The following ABI3BP variants were observed in gnomAD, a reference collection of about 807,000 sequenced individuals.
ABI3BP encodes the protein target of Nesh-SH3.
Under a neutral mutation model 268.6 loss-of-function variants are expected in ABI3BP, and 216 were observed. The observed-to-expected ratio is 0.80, with a 90% confidence interval of 0.72 to 0.90. The LOEUF (loss-of-function observed/expected upper bound fraction) is 0.90. Among genes scored for constraint, ABI3BP ranks in the 40% least tolerant of loss-of-function variants. The pLI is 0.00. For missense variants in ABI3BP, 2,090 were observed against 2,182.4 expected, an observed-to-expected ratio of 0.96 and a Z score of 0.84; for synonymous variants, 730 against 730.0, an observed-to-expected ratio of 1.00 and a Z score of 0.00.
At chr3:100,882,458 A>ATTT (rs201694576) in intron 6 of ABI3BP, among the ~76,000 whole-genome samples, 1 of 146,310 alleles carries the variant, frequency 6.8e-6, no homozygotes, top group African/African-American at 2.5e-5. Flanking sequence ...ATATATATAT[A>ATTT]TATTTTTTTT....
At chr3:100,772,521 A>T (rs1254912199) in intron 61 of ABI3BP, among the ~76,000 whole-genome samples, 1 of 152,232 alleles carries the variant, frequency 6.6e-6, no homozygotes, top group Non-Finnish European at 1.5e-5. Flanking sequence ...GTTGTAGATT[A>T]TCACTAGACG....
intron 1 of ABI3BP, among the ~76,000 whole-genome samples, chr3:100,934,253 T>C (rs527739293): frequency 4.6e-5 from 7 of 152,034 alleles, no homozygotes; most frequent in African/African-American, 1.7e-4. Context: ...TGTTCTTGCA[T>C]TAGTTCGTTG....
intron 5 of ABI3BP, 41 bp from the exon 6 acceptor site, chr3:100,885,629 T>C (rs1466235534): frequency 7.8e-7 from 1 of 1,282,776 alleles, no homozygotes; most frequent in South Asian, 1.4e-5. Context: ...TTTATTCTCC[T>C]TGCTCCTAAA....
intron 62 of ABI3BP, among the ~76,000 whole-genome samples, chr3:100,768,584 C>T (rs1340101855): frequency 2.0e-5 from 3 of 152,098 alleles, no homozygotes; most frequent in African/African-American, 4.8e-5. Flanking sequence ...AATACCTTTT[C>T]GTAAATCCAC....
intron 56 of ABI3BP, among the ~76,000 whole-genome samples, chr3:100,789,176 C>T (rs1261052374): frequency 1.3e-5 from 2 of 152,014 alleles, no homozygotes; most frequent in African/African-American, 2.4e-5. Flanking sequence ...TCTATGCAAC[C>T]TCTTTGTCAG....
chr3:100,770,557 C>T (rs2096513937), intron 62 of ABI3BP, among the ~76,000 whole-genome samples, 186 bp downstream of exon 62: 1 of 152,114 alleles, frequency 6.6e-6, no homozygotes, highest in African/African-American at 2.4e-5. Context: ...ATAACAAGGA[C>T]AAAGATGATC....
At chr3:100,891,227 T>A (rs2044492951) in intron 4 of ABI3BP, among the ~76,000 whole-genome samples, 1 of 152,220 alleles carries the variant, frequency 6.6e-6, no homozygotes, top group Non-Finnish European at 1.5e-5. Flanking sequence ...ACTGGTCAAC[T>A]ATTTCTAAGA....
At chr3:100,894,957 A>G (rs1247657808) in intron 4 of ABI3BP, among the ~76,000 whole-genome samples, 1 of 143,444 alleles carries the variant, frequency 7.0e-6, no homozygotes. Context: ...AAAAAAAAAA[A>G]AAAAAAAAAA....
At chr3:100,822,807 C>G in intron 37 of ABI3BP, 135 bp from the exon 38 acceptor site, 1 of 649,424 alleles carries the variant, frequency 1.5e-6, no homozygotes, top group Non-Finnish European at 2.7e-6. Flanking sequence ...CACATGCATT[C>G]CTCCTTATAG....
At chr3:100,778,598 A>T in intron 58 of ABI3BP, 1 of 521,836 alleles carries the variant, frequency 1.9e-6, no homozygotes, top group Non-Finnish European at 3.3e-6. Context: ...AGTATATAGA[A>T]AACATGTCCT....
chr3:100,874,932 G>A lies in ABI3BP; in HGVS notation c.819C>T (p.Val273=), dbSNP rs535716029. 7.7e-6 allele frequency: 12 copies of A among 1,564,896 alleles called. No individual in the cohort carries two copies. The highest frequency in any genetic ancestry group is 1.8e-5 in the Admixed American group (1 of 56,790). The stretch of plus-strand genomic sequence containing the variant: ...CATTAAGACCTGGAATAATAAGGTG[G>A]ACTGCAAGGAAATAGATGTAAATAA... ...EKAPLGGVIL[V]HLIIPGLNET... The change falls in exon 9 of 68, where the codon GTC becomes GTT. Residue 273 remains valine (V), a splice_region_variant and synonymous_variant. Transcript: ENST00000471714.
At chr3:100,965,097 G>A (rs753149893) in intron 1 of ABI3BP, among the ~76,000 whole-genome samples, 8 of 152,148 alleles carry the variant, frequency 5.3e-5, no homozygotes, top group Non-Finnish European at 7.4e-5. Context: ...CTTATTGGTC[G>A]TTTGCTGCTC....
intron 4 of ABI3BP, among the ~76,000 whole-genome samples, chr3:100,895,798 G>A (rs2047406540): frequency 6.6e-6 from 1 of 152,192 alleles, no homozygotes; most frequent in Non-Finnish European, 1.5e-5. Context: ...ATGAACATAT[G>A]AGGGTAGATT....
intron 18 of ABI3BP, among the ~76,000 whole-genome samples, chr3:100,848,086 A>G (rs2098794335): frequency 6.6e-6 from 1 of 152,170 alleles, no homozygotes; most frequent in African/African-American, 2.4e-5. Flanking sequence ...ACAGTCTTGG[A>G]AATAAGTTAT....
intron 51 of ABI3BP, among the ~76,000 whole-genome samples, chr3:100,802,755 ACT>A (rs72208599): frequency 0.19 from 28,076 of 150,514 alleles, 3,553 homozygotes; most frequent in East Asian, 0.31. Context: ...ATAAAACATA[ACT>A]CTGTCCTGAC....
At chr3:100,753,681 TA>T (rs1190922020) in intron 65 of ABI3BP, 137 bp downstream of exon 65, 1 of 925,800 alleles carries the variant, frequency 1.1e-6, no homozygotes. Flanking sequence ...AATGTGTAGG[TA>T]AACATTCACA....
Position 100,837,172 on chromosome 3 carries a change from C to T in ABI3BP, c.2084-1G>A. On this transcript the variant is annotated splice_acceptor_variant, in intron 26 of 67. Coordinates refer to ENST00000471714, the MANE Select transcript of ABI3BP (RefSeq NM_001375547.2). LOFTEE classifies it high-confidence loss of function. Reference sequence around the variant, plus strand: ...GTTTCAAATGGAACAGGCTCAGAGACTGCATCATAAAAAATAAACAGATAT... The same window carrying T: ...GTTTCAAATGGAACAGGCTCAGAGATTGCATCATAAAAAATAAACAGATAT... The T allele has an allele frequency of 6.5e-7, 1 of 1,533,126 alleles. No individual in the cohort carries two copies. The highest frequency in any genetic ancestry group is 8.7e-7 in the Non-Finnish European group (1 of 1,145,470). The allele number at this position is 1,533,126 out of a possible 1,614,324, so 95.0% of individuals were successfully genotyped here.
intron 20 of ABI3BP, chr3:100,844,530 G>A: frequency 1.1e-6 from 1 of 886,234 alleles, no homozygotes; most frequent in Non-Finnish European, 1.4e-6. Context: ...AGAGGGCTGG[G>A]AAAGGCCTCA....
rs72932505 is a variant in ABI3BP, at chr3:100,806,324, T to C, written c.3683-1458A>G. Among the ~76,000 whole-genome samples the C allele has an allele frequency of 4.7e-3, 713 of 152,200 alleles. 8 individuals are homozygous for C. The highest frequency in any genetic ancestry group is 0.017 in the African/African-American group (687 of 41,550). On this transcript the variant is annotated intron_variant, in intron 50 of 67. Coordinates refer to ENST00000471714, the MANE Select transcript of ABI3BP (RefSeq NM_001375547.2). ...ATAGTTTGTATTGGTATCATGCATATAAACAGGACACTCTCCTGTCCAAAT... is the reference window on the plus strand; with the variant it reads ...ATAGTTTGTATTGGTATCATGCATACAAACAGGACACTCTCCTGTCCAAAT...
Sources: allele counts gnomAD v4.1 joint callset (sites outside exome capture counted in the v4.1 genomes callset), GRCh38; gene constraint gnomAD v4.1.1; transcripts MANE v1.5; gene names NCBI Gene and HGNC (gene_info 2026-07-23, HGNC 2026-07-21).